C1orf21: variants seen among roughly 807,000 people sequenced by gnomAD.
C1orf21 encodes uncharacterized protein C1orf21.
A neutral mutation model predicts 18.7 loss-of-function variants in C1orf21; 3 were observed. That is an observed-to-expected ratio of 0.16 (90% CI 0.07 to 0.42). C1orf21 has a LOEUF of 0.42. Ranked by LOEUF, C1orf21 falls within the 10% of genes least tolerant of loss-of-function variation. C1orf21 has a pLI of 0.99. For synonymous variants in C1orf21, 41 were observed against 46.4 expected, an observed-to-expected ratio of 0.88 and a Z score of 0.47; for missense variants, 104 against 143.6, an observed-to-expected ratio of 0.72 and a Z score of 1.41.
At chr1:184,484,352 C>A (rs987903424) in intron 2 of C1orf21, among the ~76,000 whole-genome samples, 5 of 152,176 alleles carry the variant, frequency 3.3e-5, no homozygotes, top group Non-Finnish European at 5.9e-5. Context: ...CCCGTTTTCT[C>A]GACTTCATGT....
rs1330735401 is a variant in C1orf21 at position 184,570,958 on chromosome 1, AATG to A, written c.190-19778_190-19776del. On this transcript the variant is annotated intron_variant, in intron 3 of 5. Transcript: ENST00000235307. ...CTGAATCTTGCAAGCGTTTATACAC[AATG>A]ATAAGTATTTGTCCATCTAAACATC... Among the ~76,000 whole-genome samples the A allele has an allele frequency of 2.0e-5, 3 of 152,192 alleles. No homozygotes were observed. The East Asian group carries it at 5.8e-4, about 29-fold the overall frequency.
At position 184,559,943 on chromosome 1, in the gene C1orf21, G is replaced by C. The variant is rs116029639; in HGVS notation, c.190-30796G>C. 1.1e-3 allele frequency among the ~76,000 whole-genome samples: 167 copies of C among 152,038 alleles called. 1 individual carries two copies. The highest frequency in any genetic ancestry group is 2.1e-3 in the Non-Finnish European group (145 of 67,974). On this transcript the variant is annotated intron_variant, in intron 3 of 5. Coordinates refer to ENST00000235307, the MANE Select transcript of C1orf21 (RefSeq NM_030806.4). Reference sequence around the variant, plus strand: ...ACTTTTGTATTTTTTGTAGACACAGGGTCTCACTATGTTCCTCAGGCTGGT... The same window carrying C: ...ACTTTTGTATTTTTTGTAGACACAGCGTCTCACTATGTTCCTCAGGCTGGT...
At chr1:184,550,792 C>T (rs1239140724) in intron 3 of C1orf21, among the ~76,000 whole-genome samples, 2 of 152,082 alleles carry the variant, frequency 1.3e-5, no homozygotes, top group Non-Finnish European at 2.9e-5. Context: ...CAGCCTCAGC[C>T]TCCCAAAATG....
At chr1:184,615,624 T>C (rs868297022) in intron 5 of C1orf21, among the ~76,000 whole-genome samples, 2 of 152,240 alleles carry the variant, frequency 1.3e-5, no homozygotes, top group South Asian at 2.1e-4. Flanking sequence ...GGTCTTCAGG[T>C]TCTCTTTTTG....
chr1:184,396,680 A>G (rs963539555), intron 1 of C1orf21, among the ~76,000 whole-genome samples: 1 of 152,152 alleles, frequency 6.6e-6, no homozygotes, highest in East Asian at 1.9e-4. Flanking sequence ...TTTTCTCGGA[A>G]TCATTCACTA....
chr1:184,485,302 CTTA>C lies in C1orf21; in HGVS notation c.94+7703_94+7705del, dbSNP rs1260592936. 2.6e-5 allele frequency among the ~76,000 whole-genome samples: 4 copies of C among 151,832 alleles called. No individual in the cohort carries two copies. The East Asian group carries it at 5.8e-4, about 22-fold the overall frequency. ...AATATGAAAAAAGAATATAAAATAG[CTTA>C]TTAATAATTATTGATTACATGTTAA... is the stretch of plus-strand genomic sequence containing the variant. On this transcript the variant is annotated intron_variant, in intron 2 of 5. Coordinates refer to ENST00000235307, the MANE Select transcript of C1orf21 (RefSeq NM_030806.4).
chr1:184,479,613 C>CTTTTT (rs55840285), intron 2 of C1orf21, among the ~76,000 whole-genome samples: 9 of 62,216 alleles, frequency 1.4e-4, no homozygotes, highest in Non-Finnish European at 2.3e-4. Context: ...TCCCATAGGT[C>CTTTTT]TTTTTTTTTT....
chr1:184,610,983 A>G (rs543182766), intron 5 of C1orf21, among the ~76,000 whole-genome samples: 37 of 152,324 alleles, frequency 2.4e-4, no homozygotes, highest in Admixed American at 2.2e-3. Context: ...GAAAAGCCCA[A>G]TATCCGGGGA....
chr1:184,492,149 A>G (rs560630309), intron 2 of C1orf21, among the ~76,000 whole-genome samples: 6 of 152,372 alleles, frequency 3.9e-5, no homozygotes, highest in African/African-American at 1.4e-4. Flanking sequence ...GCACATAAAC[A>G]AAAACAAGTG....
chr1:184,415,380 G>C (rs1425108157), intron 1 of C1orf21, among the ~76,000 whole-genome samples: 2 of 152,174 alleles, frequency 1.3e-5, no homozygotes, highest in African/African-American at 4.8e-5. Context: ...GAATCATCTA[G>C]GAAGATAATT....
chr1:184,490,977 G>C (rs1261461316), intron 2 of C1orf21, among the ~76,000 whole-genome samples: 5 of 151,832 alleles, frequency 3.3e-5, no homozygotes, highest in Non-Finnish European at 5.9e-5. Flanking sequence ...CATTGAGAAA[G>C]AACTTGTGGA....
chr1:184,397,456 G>C (rs893966966), intron 1 of C1orf21, among the ~76,000 whole-genome samples: 2 of 152,074 alleles, frequency 1.3e-5, no homozygotes, highest in African/African-American at 4.8e-5. Flanking sequence ...TGTGGTGGCG[G>C]GCGCCTGTAG....
chr1:184,417,908 G>C (rs953618704), intron 1 of C1orf21, among the ~76,000 whole-genome samples: 2 of 152,192 alleles, frequency 1.3e-5, no homozygotes, highest in Non-Finnish European at 2.9e-5. Context: ...ATCGCTGCAT[G>C]AATGTGTGGG....
chr1:184,528,307 C>T (rs1658407708), intron 3 of C1orf21, among the ~76,000 whole-genome samples: 1 of 152,216 alleles, frequency 6.6e-6, no homozygotes, highest in Non-Finnish European at 1.5e-5. Flanking sequence ...ATCATCACAA[C>T]ACATTTTTCA....
Position 184,536,699 on chromosome 1 carries a change from C to T in C1orf21, c.189+29017C>T, listed in dbSNP as rs1446301027. Among the ~76,000 whole-genome samples the T allele has an allele frequency of 2.0e-5, 3 of 152,072 alleles. No homozygotes were observed. The East Asian group carries it at 5.8e-4, about 29-fold the overall frequency. Reference sequence around the variant, plus strand: ...GTGTGCAAGTTCCATGTCTAATTGCCTATTAACCTATGAAAAAAATTCAGA... The same window carrying T: ...GTGTGCAAGTTCCATGTCTAATTGCTTATTAACCTATGAAAAAAATTCAGA... On this transcript the variant is annotated intron_variant, in intron 3 of 5. Transcript: ENST00000235307.
chr1:184,411,786 T>A (rs1656359607), intron 1 of C1orf21, among the ~76,000 whole-genome samples: 1 of 152,218 alleles, frequency 6.6e-6, no homozygotes, highest in African/African-American at 2.4e-5. Flanking sequence ...TAAACTTGAA[T>A]TTGTCTTCAG....
chr1:184,606,692 T>C (rs1208010681), intron 5 of C1orf21, among the ~76,000 whole-genome samples: 1 of 152,320 alleles, frequency 6.6e-6, no homozygotes, highest in Non-Finnish European at 1.5e-5. Flanking sequence ...CTGACTTCTT[T>C]GATCCATTTA....
chr1:184,566,199 T>G (rs557533439), intron 3 of C1orf21, among the ~76,000 whole-genome samples: 134 of 149,992 alleles, frequency 8.9e-4, no homozygotes, highest in African/African-American at 3.2e-3. Context: ...CCCCACGTTC[T>G]GCCGTACCTG....
intron 3 of C1orf21, among the ~76,000 whole-genome samples, chr1:184,541,169 A>G (rs1658645110): frequency 6.6e-6 from 1 of 152,184 alleles, no homozygotes; most frequent in Non-Finnish European, 1.5e-5. Context: ...GGCCTCTTGG[A>G]GAAGGGTGGG....
Sources: gnomAD v4.1 joint callset for allele counts (sites outside exome capture counted in the v4.1 genomes callset) on GRCh38, gnomAD v4.1.1 for gene constraint, MANE v1.5 for transcripts, NCBI Gene and HGNC (gene_info 2026-07-23, HGNC 2026-07-21) for gene names.